Variants in TRPM3 observed in about 807,000 individuals in gnomAD.
TRPM3 encodes long transient receptor potential channel 3.
Under a neutral mutation model 181.2 loss-of-function variants are expected in TRPM3, and 77 were observed. The observed-to-expected ratio is 0.42, with a 90% CI of 0.35 to 0.51. The LOEUF (loss-of-function observed/expected upper bound fraction) is 0.51. Ranked by LOEUF, TRPM3 falls within the 20% of genes least tolerant of loss-of-function variation. TRPM3 has a pLI of 0.01. For missense variants in TRPM3, 1,759 were observed against 2,196.7 expected (o/e 0.80, Z 3.98); for synonymous variants, 745 against 796.4 (o/e 0.94, Z 1.09).
chr9:71,337,553 A>G (rs2090647557), intron 1 of TRPM3, among the ~76,000 whole-genome samples: 1 of 152,110 alleles, frequency 6.6e-6, no homozygotes, highest in African/African-American at 2.4e-5. Flanking sequence ...CAGAAATACC[A>G]TTTTACCCAG....
chr9:70,985,145 C>T (rs2097406052), intron 1 of TRPM3, among the ~76,000 whole-genome samples: 1 of 152,204 alleles, frequency 6.6e-6, no homozygotes. Flanking sequence ...GATAGCTGTA[C>T]TGCAGCAGAG....
chr9:70,914,393 A>G (rs536666885), intron 1 of TRPM3, among the ~76,000 whole-genome samples: 1 of 152,330 alleles, frequency 6.6e-6, no homozygotes, highest in African/African-American at 2.4e-5. Context: ...ATTCTAAGGT[A>G]TTTTGTTAAA....
At chr9:70,893,141 C>T (rs1050379756) in intron 1 of TRPM3, among the ~76,000 whole-genome samples, 1 of 152,104 alleles carries the variant, frequency 6.6e-6, no homozygotes, top group Admixed American at 6.6e-5. Flanking sequence ...TAGGGGAAGA[C>T]ATTTTCTGCG....
chr9:70,761,313 C>T, intron 8 of TRPM3: 1 of 612,470 alleles, frequency 1.6e-6, no homozygotes. Flanking sequence ...CAGGAGGGGA[C>T]CAATTTTATC....
chr9:70,535,787 G>C lies in TRPM3; in HGVS notation c.*166C>G, dbSNP rs1191236778. The C allele has an allele frequency of 3.4e-6, 5 of 1,486,924 alleles. No homozygotes were observed. Among genetic ancestry groups the C allele is most frequent in the Non-Finnish European group, 4.4e-6 (5 of 1,127,178 alleles). The allele number at this position is 1,486,924 out of a possible 1,614,324, so 92.1% of individuals were successfully genotyped here. ...ACTGGGTCAGATCAAATGCTTTCTT[G>C]ATCTGTGGCCCAGAAGTCACCTTTG... On this transcript the variant is annotated 3_prime_UTR_variant, in exon 26 of 26. Transcript: ENST00000677713.
chr9:71,441,330 T>TAA (rs1190258752), intron 1 of TRPM3, among the ~76,000 whole-genome samples: 2 of 151,818 alleles, frequency 1.3e-5, no homozygotes, highest in Non-Finnish European at 2.9e-5. Context: ...ACAGAGTGAG[T>TAA]AAAAGGCAGT....
At chr9:71,076,982 C>T (rs926160866) in intron 1 of TRPM3, among the ~76,000 whole-genome samples, 1 of 152,190 alleles carries the variant, frequency 6.6e-6, no homozygotes, top group East Asian at 1.9e-4. Flanking sequence ...GATTCAAACA[C>T]ACATTTTCTA....
chr9:71,203,864 A>G (rs1587937506), intron 1 of TRPM3, among the ~76,000 whole-genome samples: 1 of 152,170 alleles, frequency 6.6e-6, no homozygotes, highest in East Asian at 1.9e-4. Flanking sequence ...CATCATTATC[A>G]TCTTTCAATT....
At chr9:71,177,020 G>A (rs925730962) in intron 1 of TRPM3, among the ~76,000 whole-genome samples, 6 of 152,042 alleles carry the variant, frequency 3.9e-5, no homozygotes, top group African/African-American at 2.4e-5. Flanking sequence ...TGTATTTACA[G>A]CCACCTCCCA....
At chr9:71,284,959 A>G (rs12346966) in intron 1 of TRPM3, among the ~76,000 whole-genome samples, 45,879 of 152,186 alleles carry the variant, frequency 0.3, 7,070 homozygotes, top group Middle Eastern at 0.51. Flanking sequence ...TATAGACTAA[A>G]AAGCTGCAAT....
chr9:71,313,841 T>C (rs1283691160), intron 1 of TRPM3, among the ~76,000 whole-genome samples: 1 of 152,106 alleles, frequency 6.6e-6, no homozygotes, highest in Non-Finnish European at 1.5e-5. Flanking sequence ...TGGTTGTAAA[T>C]ATTGAAAGAG....
intron 6 of TRPM3, among the ~76,000 whole-genome samples, chr9:70,812,290 G>A (rs1240804027): frequency 6.6e-6 from 1 of 152,200 alleles, no homozygotes; most frequent in African/African-American, 2.4e-5. Context: ...CTGGTAGCTG[G>A]CTGGTGAGAG....
At chr9:71,281,954 G>A (rs62543438) in intron 1 of TRPM3, among the ~76,000 whole-genome samples, 8 of 151,876 alleles carry the variant, frequency 5.3e-5, no homozygotes, top group East Asian at 1.9e-4. Flanking sequence ...CTGGCTACTC[G>A]GGAGGCTGAG....
intron 1 of TRPM3, among the ~76,000 whole-genome samples, chr9:70,878,409 T>C (rs776988123): frequency 2.0e-5 from 3 of 152,190 alleles, no homozygotes; most frequent in Middle Eastern, 3.4e-3. Context: ...TTTTAATTAA[T>C]TCACTCATGC....
At chr9:71,306,239 G>T (rs1044206784) in intron 1 of TRPM3, among the ~76,000 whole-genome samples, 1 of 152,140 alleles carries the variant, frequency 6.6e-6, no homozygotes, top group African/African-American at 2.4e-5. Flanking sequence ...TCAAAATCAT[G>T]CAGTCTAAAT....
At chr9:71,045,487 G>A (rs1207047446) in intron 1 of TRPM3, among the ~76,000 whole-genome samples, 2 of 152,130 alleles carry the variant, frequency 1.3e-5, no homozygotes, top group Non-Finnish European at 2.9e-5. Context: ...AGTACCCGGT[G>A]TACAATTCGT....
At chr9:70,738,393 TATA>T (rs2073252685) in intron 8 of TRPM3, among the ~76,000 whole-genome samples, 1 of 151,868 alleles carries the variant, frequency 6.6e-6, no homozygotes. Flanking sequence ...AAACTTAAAG[TATA>T]ATAATAAAAA....
rs536138825 is a variant in TRPM3, at chr9:70,851,005, A to G, written c.463-4414T>C. On this transcript the variant is annotated intron_variant, in intron 3 of 25. Transcript: ENST00000677713. ...ACTCCTAAAATTATTTGCCCCTTGC[A>G]AGATTTCAGAGTAATTCCTAACATT... 1.4e-3 allele frequency among the ~76,000 whole-genome samples: 210 copies of G among 152,334 alleles called. 1 individual carries two copies. The highest frequency in any genetic ancestry group is 4.9e-3 in the African/African-American group (203 of 41,574).
intron 1 of TRPM3, among the ~76,000 whole-genome samples, chr9:71,445,450 T>G (rs2094190897): frequency 6.6e-6 from 1 of 152,198 alleles, no homozygotes; most frequent in African/African-American, 2.4e-5. Context: ...AGCGGTGCTA[T>G]ACCCATATTT....
Sources: gnomAD v4.1 joint callset for allele counts (sites outside exome capture counted in the v4.1 genomes callset) on GRCh38, gnomAD v4.1.1 for gene constraint, MANE v1.5 for transcripts, NCBI Gene and HGNC (gene_info 2026-07-23, HGNC 2026-07-21) for gene names.